Variants in NAALADL2 observed in about 807,000 individuals in gnomAD.
The protein encoded by NAALADL2 is N-acetylated alpha-linked acidic dipeptidase like 2, also known as inactive N-acetylated-alpha-linked acidic dipeptidase-like protein 2.
Under a neutral mutation model 87.2 loss-of-function variants are expected in NAALADL2, and 76 were observed. The ratio of observed to expected loss-of-function variants is 0.87; its 90% CI spans 0.72 to 1.05. NAALADL2 has a LOEUF of 1.05. Among genes scored for constraint, NAALADL2 ranks in the 50% least tolerant of loss-of-function variants. The pLI, the probability that NAALADL2 is intolerant of heterozygous loss-of-function variation, is 0.00. For synonymous variants in NAALADL2, 354 were observed against 331.0 expected (o/e 1.07, Z -0.75); for missense variants, 1,089 against 945.8 (o/e 1.15, Z -1.99).
At chr3:174,512,928 C>A (rs1388828615) in intron 1 of NAALADL2, among the ~76,000 whole-genome samples, 4 of 151,286 alleles carry the variant, frequency 2.6e-5, no homozygotes, top group Non-Finnish European at 5.9e-5. Flanking sequence ...TTCTTTTGAA[C>A]AAAGATGACC....
chr3:175,248,528 A>ATC (rs113284400), intron 3 of NAALADL2, among the ~76,000 whole-genome samples: 2,082 of 151,058 alleles, frequency 0.014, 46 homozygotes, highest in African/African-American at 0.048. Flanking sequence ...CCAAATACAA[A>ATC]TCTCTCTCTC....
chr3:174,686,621 A>G (rs1728066491), intron 2 of NAALADL2, among the ~76,000 whole-genome samples: 1 of 151,982 alleles, frequency 6.6e-6, no homozygotes, highest in Non-Finnish European at 1.5e-5. Context: ...CAGAATAGAG[A>G]CCCAGAAATA....
intron 2 of NAALADL2, among the ~76,000 whole-genome samples, chr3:175,105,090 C>G (rs1466784911): frequency 6.6e-6 from 1 of 152,110 alleles, no homozygotes; most frequent in Non-Finnish European, 1.5e-5. Context: ...TCCATCTTAA[C>G]CTGTTAAAAT....
chr3:175,179,505 A>T (rs1258218227), intron 2 of NAALADL2, among the ~76,000 whole-genome samples: 1 of 151,908 alleles, frequency 6.6e-6, no homozygotes, highest in Non-Finnish European at 1.5e-5. Flanking sequence ...AGCCTATGGA[A>T]TTTTACTGGT....
chr3:174,816,107 A>T (rs148415293), intron 3 of NAALADL2, among the ~76,000 whole-genome samples: 28 of 152,170 alleles, frequency 1.8e-4, no homozygotes, highest in African/African-American at 6.0e-4. Context: ...ATATGTCCAT[A>T]GGTTATGATT....
At chr3:175,501,596 A>G (rs1309622509) in intron 9 of NAALADL2, among the ~76,000 whole-genome samples, 1 of 152,078 alleles carries the variant, frequency 6.6e-6, no homozygotes, top group Non-Finnish European at 1.5e-5. Context: ...ACAGGTAATC[A>G]CCTCACACAG....
intron 5 of NAALADL2, among the ~76,000 whole-genome samples, chr3:175,412,763 T>C (rs1713767575): frequency 6.6e-6 from 1 of 151,560 alleles, no homozygotes; most frequent in East Asian, 1.9e-4. Flanking sequence ...TTTTTCTGTA[T>C]CTTGTGTTAA....
chr3:175,156,664 A>G (rs761813204), intron 2 of NAALADL2, among the ~76,000 whole-genome samples: 6 of 150,108 alleles, frequency 4.0e-5, no homozygotes, highest in Non-Finnish European at 7.4e-5. Context: ...AAAGTAGTAG[A>G]TTGTCTATCC....
chr3:175,594,290 G>A (rs1040303241), intron 10 of NAALADL2, among the ~76,000 whole-genome samples: 8 of 151,998 alleles, frequency 5.3e-5, no homozygotes, highest in African/African-American at 1.7e-4. Flanking sequence ...TAGAATGATG[G>A]TCTCCAGTTC....
chr3:175,652,670 G>T (rs951645879), intron 11 of NAALADL2, among the ~76,000 whole-genome samples: 2 of 151,810 alleles, frequency 1.3e-5, no homozygotes, highest in African/African-American at 4.8e-5. Context: ...AGTAGAAACG[G>T]GGTTTCACCA....
intron 2 of NAALADL2, among the ~76,000 whole-genome samples, chr3:175,150,532 G>A (rs775071245): frequency 6.6e-6 from 1 of 152,080 alleles, no homozygotes; most frequent in Non-Finnish European, 1.5e-5. Flanking sequence ...AAAAATAGTT[G>A]TTTGATCACG....
chr3:175,399,806 G>A lies in NAALADL2; in HGVS notation c.1091-47423G>A, dbSNP rs569985572. ...AGAAGGTCTCAGCCTTATTTTACCCGGCTCCTGTTGAAGATGCAGTTGCTC... is the reference window on the plus strand; with the variant it reads ...AGAAGGTCTCAGCCTTATTTTACCCAGCTCCTGTTGAAGATGCAGTTGCTC... On this transcript the variant is annotated intron_variant, in intron 5 of 13. Coordinates refer to ENST00000454872, the MANE Select transcript of NAALADL2 (RefSeq NM_207015.3). 7.2e-5 allele frequency among the ~76,000 whole-genome samples: 11 copies of A among 152,168 alleles called. No individual in the cohort carries two copies. The South Asian group carries it at 1.7e-3, about 23-fold the overall frequency.
intron 1 of NAALADL2, among the ~76,000 whole-genome samples, chr3:174,959,991 G>T (rs886429768): frequency 6.6e-6 from 1 of 151,970 alleles, no homozygotes; most frequent in Admixed American, 6.6e-5. Flanking sequence ...TTCCTGGCCA[G>T]CTGGCAATAG....
At chr3:175,057,966 A>G (rs1559970470) in intron 1 of NAALADL2, among the ~76,000 whole-genome samples, 1 of 152,212 alleles carries the variant, frequency 6.6e-6, no homozygotes, top group Non-Finnish European at 1.5e-5. Context: ...CCAAACCCAT[A>G]CTGAAATTAC....
chr3:174,554,902 A>T (rs1216305673), intron 2 of NAALADL2, among the ~76,000 whole-genome samples: 1 of 152,234 alleles, frequency 6.6e-6, no homozygotes, highest in African/African-American at 2.4e-5. Context: ...AAGTAGCCAG[A>T]AGATTCTGTG....
At chr3:175,764,556 T>TA (rs35185960) in intron 13 of NAALADL2, among the ~76,000 whole-genome samples, 22,608 of 151,754 alleles carry the variant, frequency 0.15, 1,786 homozygotes, top group Middle Eastern at 0.21. Flanking sequence ...TTTTTTTTGT[T>TA]AGCATCCTTG....
At chr3:175,460,644 T>G (rs62285194) in intron 6 of NAALADL2, among the ~76,000 whole-genome samples, 1 of 152,060 alleles carries the variant, frequency 6.6e-6, no homozygotes, top group Non-Finnish European at 1.5e-5. Flanking sequence ...AAAAATAAAG[T>G]AAAATATAAC....
At chr3:175,464,902 T>C (rs16825741) in intron 7 of NAALADL2, among the ~76,000 whole-genome samples, 28,628 of 152,122 alleles carry the variant, frequency 0.19, 4,471 homozygotes, top group African/African-American at 0.43. Flanking sequence ...GAATATTTAT[T>C]ATCACTGATA....
chr3:175,660,513 C>T (rs1006132907), intron 11 of NAALADL2, among the ~76,000 whole-genome samples: 2 of 152,064 alleles, frequency 1.3e-5, no homozygotes, highest in Non-Finnish European at 2.9e-5. Context: ...ATGTTTGGAA[C>T]ATTACATTTC....
Sources: gnomAD v4.1 joint callset for allele counts (sites outside exome capture counted in the v4.1 genomes callset) on GRCh38, gnomAD v4.1.1 for gene constraint, MANE v1.5 for transcripts, NCBI Gene and HGNC (gene_info 2026-07-23, HGNC 2026-07-21) for gene names.